Variants in CA10 observed in about 807,000 individuals in gnomAD.
The protein encoded by CA10 is carbonic anhydrase-related protein 10.
Under a neutral mutation model 44.2 loss-of-function variants are expected in CA10, and 14 were observed. The ratio of observed to expected loss-of-function variants is 0.32; its 90% CI spans 0.21 to 0.50. The LOEUF (loss-of-function observed/expected upper bound fraction) is 0.50, where lower values mean the gene tolerates loss of function less well. Ranked by LOEUF, CA10 falls within the 20% of genes least tolerant of loss-of-function variation. The pLI is 0.99. For missense variants in CA10, 350 were observed against 409.7 expected, an observed-to-expected ratio of 0.85 and a Z score of 1.26; for synonymous variants, 159 against 141.6, an observed-to-expected ratio of 1.12 and a Z score of -0.87.
intron 3 of CA10, among the ~76,000 whole-genome samples, chr17:51,801,450 C>T (rs1186375269): frequency 6.6e-6 from 1 of 151,660 alleles, no homozygotes; most frequent in Non-Finnish European, 1.5e-5. Flanking sequence ...TTCTTAACAG[C>T]GTGAGTGTGC....
chr17:52,076,125 CT>C (rs776175156), intron 1 of CA10, among the ~76,000 whole-genome samples: 1 of 152,128 alleles, frequency 6.6e-6, no homozygotes, highest in African/African-American at 2.4e-5. Context: ...CCTAGTCCCT[CT>C]TTTTATCTCT....
chr17:52,121,205 G>A (rs984091258), intron 1 of CA10, among the ~76,000 whole-genome samples: 1 of 152,146 alleles, frequency 6.6e-6, no homozygotes, highest in African/African-American at 2.4e-5. Context: ...TCTTGCAGAC[G>A]TTATGGCAAA....
intron 3 of CA10, among the ~76,000 whole-genome samples, chr17:51,844,130 A>G (rs1224464810): frequency 6.6e-6 from 1 of 152,112 alleles, no homozygotes; most frequent in Non-Finnish European, 1.5e-5. Context: ...TATTGATATG[A>G]TGATGTGACA....
chr17:51,700,636 C>T (rs1219878389), intron 4 of CA10, among the ~76,000 whole-genome samples: 1 of 152,216 alleles, frequency 6.6e-6, no homozygotes, highest in Non-Finnish European at 1.5e-5. Flanking sequence ...GTATGCTTCC[C>T]TTGCCTGCCT....
At chr17:51,927,992 A>G (rs1982499158) in intron 3 of CA10, among the ~76,000 whole-genome samples, 2 of 152,178 alleles carry the variant, frequency 1.3e-5, no homozygotes, top group African/African-American at 2.4e-5. Context: ...TTATATCTAC[A>G]TACAACCCAG....
intron 4 of CA10, among the ~76,000 whole-genome samples, chr17:51,705,637 C>T (rs577743065): frequency 3.9e-5 from 6 of 152,228 alleles, no homozygotes; most frequent in African/African-American, 1.4e-4. Context: ...AAAAAAATGC[C>T]TCAAAAGAAA....
At chr17:52,004,831 C>A (rs1052527625) in intron 2 of CA10, among the ~76,000 whole-genome samples, 1 of 151,806 alleles carries the variant, frequency 6.6e-6, no homozygotes, top group South Asian at 2.1e-4. Flanking sequence ...CCAATCCCAT[C>A]CTCTAATGCA....
At chr17:52,069,376 G>C (rs1205421759) in intron 2 of CA10, among the ~76,000 whole-genome samples, 1 of 152,148 alleles carries the variant, frequency 6.6e-6, no homozygotes, top group South Asian at 2.1e-4. Flanking sequence ...GTATATGATG[G>C]TATGGAGGGC....
chr17:52,112,104 G>A (rs376056214), intron 1 of CA10, among the ~76,000 whole-genome samples: 1 of 151,712 alleles, frequency 6.6e-6, no homozygotes, highest in Non-Finnish European at 1.5e-5. Flanking sequence ...ATTCATGTGT[G>A]TAAAACAAGT....
chr17:51,875,137 C>T (rs1349083888), intron 3 of CA10, among the ~76,000 whole-genome samples: 2 of 152,048 alleles, frequency 1.3e-5, no homozygotes, highest in African/African-American at 4.8e-5. Context: ...CCACCCCCAG[C>T]TAATTTCTAA....
chr17:51,682,818 G>A (rs1914889018), intron 4 of CA10, among the ~76,000 whole-genome samples: 1 of 152,204 alleles, frequency 6.6e-6, no homozygotes, highest in Admixed American at 6.5e-5. Flanking sequence ...GAAACCTGAC[G>A]TTGATGAAGG....
At chr17:51,675,516 T>G (rs1198872060) in intron 4 of CA10, among the ~76,000 whole-genome samples, 1 of 142,500 alleles carries the variant, frequency 7.0e-6, no homozygotes, top group Non-Finnish European at 1.5e-5. Context: ...GCCACCGCAC[T>G]CCAGCCTGGG....
At chr17:51,811,911 G>T (rs183909128) in intron 3 of CA10, among the ~76,000 whole-genome samples, 1 of 152,312 alleles carries the variant, frequency 6.6e-6, no homozygotes, top group East Asian at 1.9e-4. Flanking sequence ...ACAGTCCAGA[G>T]TGAAGCCCTG....
chr17:52,037,474 G>A (rs1318774509), intron 2 of CA10, among the ~76,000 whole-genome samples: 1 of 152,104 alleles, frequency 6.6e-6, no homozygotes, highest in African/African-American at 2.4e-5. Context: ...TTTATACTAG[G>A]TGGAATGCAT....
intron 4 of CA10, among the ~76,000 whole-genome samples, chr17:51,719,044 C>T (rs1212394304): frequency 6.6e-6 from 1 of 152,108 alleles, no homozygotes; most frequent in Non-Finnish European, 1.5e-5. Context: ...CTCTTTATTC[C>T]CTTCTGAGAG....
chr17:51,939,866 T>C (rs1983011195), intron 2 of CA10, among the ~76,000 whole-genome samples: 1 of 152,104 alleles, frequency 6.6e-6, no homozygotes, highest in South Asian at 2.1e-4. Context: ...TTGTTTTTGA[T>C]ATTTTGCTAT....
At chr17:52,098,129 G>A (rs1313024942) in intron 1 of CA10, among the ~76,000 whole-genome samples, 1 of 152,180 alleles carries the variant, frequency 6.6e-6, no homozygotes, top group Non-Finnish European at 1.5e-5. Context: ...ATATTTGGAA[G>A]GAGCTACTTT....
intron 3 of CA10, among the ~76,000 whole-genome samples, chr17:51,859,475 A>C (rs1174781751): frequency 6.6e-6 from 1 of 152,090 alleles, no homozygotes; most frequent in Admixed American, 6.6e-5. Context: ...CCAATAATAT[A>C]CTTTTGGCTG....
chr17:51,639,510 G>A (rs927430020), intron 6 of CA10, among the ~76,000 whole-genome samples: 1 of 152,110 alleles, frequency 6.6e-6, no homozygotes, highest in Non-Finnish European at 1.5e-5. Flanking sequence ...CACACAGCAG[G>A]TTTCCAAAAC....
Sources: allele counts gnomAD v4.1 joint callset (sites outside exome capture counted in the v4.1 genomes callset), GRCh38; gene constraint gnomAD v4.1.1; transcripts MANE v1.5; gene names NCBI Gene and HGNC (gene_info 2026-07-23, HGNC 2026-07-21).